The following FILIP1L variants were observed in gnomAD, a reference collection of about 807,000 sequenced individuals.
FILIP1L encodes the protein filamin A interacting protein 1 like.
A neutral mutation model predicts 96.6 loss-of-function variants in FILIP1L; 55 were observed. That is an observed-to-expected ratio of 0.57 (90% confidence interval 0.46 to 0.71). The LOEUF (loss-of-function observed/expected upper bound fraction) is 0.71. Among genes scored for constraint, FILIP1L ranks in the 30% least tolerant of loss-of-function variants. FILIP1L has a pLI of 0.00. For missense variants in FILIP1L, 1,304 were observed against 1,321.2 expected, an observed-to-expected ratio of 0.99 and a Z score of 0.20; for synonymous variants, 467 against 473.9, an observed-to-expected ratio of 0.99 and a Z score of 0.19.
At chr3:100,059,421 C>G (rs982556453) in intron 1 of FILIP1L, among the ~76,000 whole-genome samples, 6 of 152,138 alleles carry the variant, frequency 3.9e-5, no homozygotes, top group African/African-American at 1.4e-4. Flanking sequence ...CACTGCTTTC[C>G]CCTGCTTCTT....
At chr3:99,994,151 T>G (rs1165537902) in intron 1 of FILIP1L, among the ~76,000 whole-genome samples, 1 of 152,214 alleles carries the variant, frequency 6.6e-6, no homozygotes, top group African/African-American at 2.4e-5. Context: ...TCAATCTTGC[T>G]ACTCATTATT....
intron 1 of FILIP1L, among the ~76,000 whole-genome samples, chr3:100,009,559 C>T (rs1710084201): frequency 6.6e-6 from 1 of 152,142 alleles, no homozygotes; most frequent in Non-Finnish European, 1.5e-5. Context: ...ATAGACCAAG[C>T]TCTTAATTTC....
intron 5 of FILIP1L, among the ~76,000 whole-genome samples, chr3:99,844,395 G>T (rs921055268): frequency 6.6e-6 from 1 of 151,964 alleles, no homozygotes; most frequent in African/African-American, 2.4e-5. Context: ...CTTTTCTCTT[G>T]GGATTACAAA....
chr3:99,886,815 C>T (rs1393320869), intron 4 of FILIP1L, among the ~76,000 whole-genome samples: 3 of 151,638 alleles, frequency 2.0e-5, no homozygotes, highest in Admixed American at 2.0e-4. Flanking sequence ...ACCAAAAATA[C>T]AAAAATTAGC....
intron 4 of FILIP1L, among the ~76,000 whole-genome samples, chr3:99,883,900 T>G (rs920687175): frequency 1.3e-5 from 2 of 152,132 alleles, no homozygotes; most frequent in African/African-American, 4.8e-5. Context: ...GGCACCAGAG[T>G]TTGAACTGCA....
At chr3:99,852,033 C>T (rs752320300) in intron 4 of FILIP1L, among the ~76,000 whole-genome samples, 1 of 152,246 alleles carries the variant, frequency 6.6e-6, no homozygotes, top group East Asian at 1.9e-4. Flanking sequence ...ATGATGACTA[C>T]TATGACATGC....
chr3:100,063,424 T>G (rs981799239), intron 1 of FILIP1L, among the ~76,000 whole-genome samples: 5 of 152,120 alleles, frequency 3.3e-5, no homozygotes, highest in Non-Finnish European at 7.3e-5. Flanking sequence ...TATTATAGTA[T>G]TATTATCTGA....
intron 1 of FILIP1L, among the ~76,000 whole-genome samples, chr3:99,937,055 A>G (rs1001180393): frequency 6.6e-6 from 1 of 152,068 alleles, no homozygotes; most frequent in African/African-American, 2.4e-5. Context: ...TTCCTGCCTC[A>G]GCCTCCCAAG....
chr3:100,062,855 C>T (rs2065598024), intron 1 of FILIP1L, among the ~76,000 whole-genome samples: 1 of 152,204 alleles, frequency 6.6e-6, no homozygotes, highest in Non-Finnish European at 1.5e-5. Context: ...AGTCCCCCAA[C>T]TCTCAGTTAC....
intron 4 of FILIP1L, among the ~76,000 whole-genome samples, chr3:99,886,315 C>T (rs984407257): frequency 9.4e-5 from 14 of 149,066 alleles, no homozygotes; most frequent in African/African-American, 1.7e-4. Context: ...GAGTGTAAAG[C>T]AGGGATGTCC....
At chr3:99,934,167 A>G (rs1707583072) in intron 1 of FILIP1L, among the ~76,000 whole-genome samples, 1 of 152,184 alleles carries the variant, frequency 6.6e-6, no homozygotes, top group Non-Finnish European at 1.5e-5. Context: ...AGCTCCCAAC[A>G]TCTCATTTGT....
intron 1 of FILIP1L, among the ~76,000 whole-genome samples, chr3:100,047,052 T>C (rs940020601): frequency 2.6e-5 from 4 of 152,214 alleles, no homozygotes; most frequent in African/African-American, 9.7e-5. Flanking sequence ...TAAAGGGTAT[T>C]GTCCTCAGGT....
intron 4 of FILIP1L, among the ~76,000 whole-genome samples, chr3:99,891,922 G>A (rs576845455): frequency 3.9e-5 from 6 of 152,050 alleles, no homozygotes; most frequent in East Asian, 3.9e-4. Flanking sequence ...AGAATCAGTC[G>A]GCTATCTAGA....
chr3:99,850,430 C>G lies in FILIP1L; in HGVS notation c.1246G>C (p.Glu416Gln), dbSNP rs537419810. ...ATTCTTTTACTGAGTTTTTCAACCT[C>G]TAGTTTAAAGTCTTTACTCTGTAAC... ...ETLQSKDFKLEVEKLSKRIMA... is the reference protein window; with the variant it reads ...ETLQSKDFKLQVEKLSKRIMA... Residue 416 changes from glutamate to glutamine, a missense_variant, in exon 5 of 6, where the codon GAG (glutamate) becomes CAG (glutamine). By Grantham distance (29) the Glu-to-Gln change is conservative. Coordinates refer to ENST00000477258, the MANE Select transcript of FILIP1L (RefSeq NM_001387850.1). 3.8e-5 allele frequency: 62 copies of G among 1,614,026 alleles called. No homozygotes were observed. The Middle Eastern group carries it at 4.9e-4, about 13-fold the overall frequency.
At chr3:99,892,851 T>C (rs1290038684) in intron 4 of FILIP1L, among the ~76,000 whole-genome samples, 1 of 152,236 alleles carries the variant, frequency 6.6e-6, no homozygotes, top group Non-Finnish European at 1.5e-5. Context: ...GTCAAGTTCA[T>C]GTCGATCATG....
intron 1 of FILIP1L, among the ~76,000 whole-genome samples, chr3:100,070,063 T>C (rs2065735484): frequency 6.6e-6 from 1 of 152,228 alleles, no homozygotes. Flanking sequence ...TGATTAAGGA[T>C]GTACACATGG....
chr3:100,036,313 A>G (rs1049156327), intron 1 of FILIP1L, among the ~76,000 whole-genome samples: 1 of 150,464 alleles, frequency 6.6e-6, no homozygotes, highest in Admixed American at 6.6e-5. Context: ...CTGTTGGAGG[A>G]AAAAAAAGAT....
chr3:99,948,194 G>A (rs1216444229), intron 1 of FILIP1L, among the ~76,000 whole-genome samples: 2 of 152,096 alleles, frequency 1.3e-5, no homozygotes, highest in African/African-American at 2.4e-5. Context: ...ACATTGCATG[G>A]TATAGGACAT....
chr3:100,096,692 G>C (rs943882612), intron 1 of FILIP1L, among the ~76,000 whole-genome samples: 2 of 151,818 alleles, frequency 1.3e-5, no homozygotes, highest in African/African-American at 4.8e-5. Flanking sequence ...AATAACACCA[G>C]GTATTTGATA....
Sources: gnomAD v4.1 joint callset for allele counts (sites outside exome capture counted in the v4.1 genomes callset) on GRCh38, gnomAD v4.1.1 for gene constraint, MANE v1.5 for transcripts, NCBI Gene and HGNC (gene_info 2026-07-23, HGNC 2026-07-21) for gene names.